The following ANKDD1B variants were observed in gnomAD, a reference collection of about 807,000 sequenced individuals.
ANKDD1B encodes the protein ankyrin repeat and death domain containing 1B.
A neutral mutation model predicts 59.7 loss-of-function variants in ANKDD1B; 57 were observed. That is an observed-to-expected ratio of 0.95 (90% confidence interval 0.77 to 1.19). ANKDD1B has a LOEUF of 1.19. Among genes scored for constraint, ANKDD1B ranks in the 50% most tolerant of loss-of-function variants. The pLI, the probability that ANKDD1B is intolerant of heterozygous loss-of-function variation, is 0.00. For synonymous variants in ANKDD1B, 216 were observed against 239.5 expected (o/e 0.90, Z 0.91); for missense variants, 602 against 641.9 (o/e 0.94, Z 0.67).
Position 75,611,683 on chromosome 5 carries a change from C to T in ANKDD1B, c.49C>T (p.Leu17=), listed in dbSNP as rs1403537462. ...GGGCCAAGGGGCCACGGCAGGGGGG[C>T]TGCTGCTCCGGGCTGCTGCGGCCGC... ...ARGQGATAGG[L]LLRAAAAAKG... is the part of the protein sequence containing the mutation. Residue 17 remains leucine (L), a synonymous_variant, in exon 1 of 14, where the codon CTG becomes TTG. Coordinates refer to ENST00000601380, the MANE Select transcript of ANKDD1B (RefSeq NM_001276713.2). 2 of 1,227,344 alleles carry T rather than the reference C, an allele frequency of 1.6e-6. No homozygotes were observed. The highest frequency in any genetic ancestry group is 6.3e-5 in the East Asian group (2 of 31,676). The allele number at this position is 1,227,344 out of a possible 1,614,324, so 76.0% of individuals were successfully genotyped here. A position where few individuals can be genotyped will look rare whatever the true frequency, so the allele number is the denominator to read the frequency against.
intron 12 of ANKDD1B, among the ~76,000 whole-genome samples, chr5:75,668,270 G>A (rs1300927520): frequency 3.9e-5 from 6 of 152,156 alleles, no homozygotes; most frequent in Admixed American, 3.3e-4. Context: ...GTTTGATGGA[G>A]TTTATAATCT....
chr5:75,659,458 G>A (rs369339824), intron 10 of ANKDD1B, 77 bp downstream of exon 10: 50 of 1,020,124 alleles, frequency 4.9e-5, no homozygotes, highest in Middle Eastern at 2.0e-4. Context: ...CTTGAGCAGC[G>A]TTATTGGAAT....
chr5:75,652,929 CAT>C (rs1361053419), intron 7 of ANKDD1B, among the ~76,000 whole-genome samples: 1 of 152,202 alleles, frequency 6.6e-6, no homozygotes, highest in African/African-American at 2.4e-5. Flanking sequence ...AACATAGTAA[CAT>C]AGTTAAGTAC....
chr5:75,666,038 A>G (rs1775297819), intron 11 of ANKDD1B, among the ~76,000 whole-genome samples: 1 of 152,184 alleles, frequency 6.6e-6, no homozygotes, highest in African/African-American at 2.4e-5. Flanking sequence ...CTAGTGGCAT[A>G]AGCACAGCAT....
Position 75,623,508 on chromosome 5 carries a change from C to T in ANKDD1B, c.397-2139C>T, listed in dbSNP as rs143448303. 2.2e-3 allele frequency among the ~76,000 whole-genome samples: 334 copies of T among 152,288 alleles called. 2 individuals carry two copies. The highest frequency in any genetic ancestry group is 7.5e-3 in the Admixed American group (115 of 15,290). ...TAGTCAGTCATTGTTCATCATTTCT[C>T]TTTGGAACAAAGAGTCCAGAAATGA... On this transcript the variant is annotated intron_variant, in intron 3 of 13. Coordinates refer to ENST00000601380, the MANE Select transcript of ANKDD1B (RefSeq NM_001276713.2).
In ANKDD1B at chr5:75,641,163, T is replaced by G. The variant is rs75737052; in HGVS notation, c.798+5281T>G. Among the ~76,000 whole-genome samples the G allele has an allele frequency of 1.1e-3, 168 of 152,322 alleles. 1 individual carries two copies. The East Asian group carries it at 0.028, about 26-fold the overall frequency. On this transcript the variant is annotated intron_variant, in intron 7 of 13. Coordinates refer to ENST00000601380, the MANE Select transcript of ANKDD1B (RefSeq NM_001276713.2). ...TCATTGTGCTAAGAACCTTTGAAAC[T>G]TTTGAGACTGTGTTATTATTTTTAT...
At chr5:75,659,520 G>C in intron 10 of ANKDD1B, 139 bp downstream of exon 10, 1 of 649,980 alleles carries the variant, frequency 1.5e-6, no homozygotes, top group South Asian at 2.0e-5. Context: ...TTCATAGTCA[G>C]TAAAATACCC....
At chr5:75,628,142 CT>C (rs1038636024) in intron 5 of ANKDD1B, among the ~76,000 whole-genome samples, 7 of 152,102 alleles carry the variant, frequency 4.6e-5, no homozygotes, top group Non-Finnish European at 8.8e-5. Flanking sequence ...AAAAAATCTA[CT>C]TTTTTTCTAA....
chr5:75,618,558 C>T (rs1773770573), intron 2 of ANKDD1B, among the ~76,000 whole-genome samples: 1 of 152,078 alleles, frequency 6.6e-6, no homozygotes. Context: ...TGTAGAGTTC[C>T]TTAAAACCAG....
At chr5:75,626,627 C>A (rs1026680956) in intron 5 of ANKDD1B, among the ~76,000 whole-genome samples, 2 of 152,182 alleles carry the variant, frequency 1.3e-5, no homozygotes, top group Admixed American at 1.3e-4. Context: ...AACACCTGAT[C>A]AAAAGTCTCA....
At chr5:75,665,174 G>A (rs1775274189) in intron 11 of ANKDD1B, among the ~76,000 whole-genome samples, 1 of 152,112 alleles carries the variant, frequency 6.6e-6, no homozygotes, top group South Asian at 2.1e-4. Flanking sequence ...TGTTATTCCT[G>A]CAAATAGTTC....
intron 1 of ANKDD1B, among the ~76,000 whole-genome samples, chr5:75,616,428 T>C (rs1213514775): frequency 6.6e-6 from 1 of 152,210 alleles, no homozygotes; most frequent in Non-Finnish European, 1.5e-5. Context: ...CTGTAAGCTG[T>C]AGGAGCATTT....
intron 10 of ANKDD1B, among the ~76,000 whole-genome samples, chr5:75,659,800 T>C (rs951125035): frequency 6.6e-6 from 1 of 152,210 alleles, no homozygotes; most frequent in Non-Finnish European, 1.5e-5. Flanking sequence ...TAAACACATT[T>C]TACTCTTATT....
intron 5 of ANKDD1B, among the ~76,000 whole-genome samples, chr5:75,626,840 T>C (rs1474409269): frequency 6.6e-6 from 1 of 152,112 alleles, no homozygotes; most frequent in Non-Finnish European, 1.5e-5. Context: ...TTTTGTGCAC[T>C]TGGCATTTTG....
chr5:75,664,075 T>G (rs1775239107), intron 11 of ANKDD1B, among the ~76,000 whole-genome samples: 1 of 152,228 alleles, frequency 6.6e-6, no homozygotes, highest in Non-Finnish European at 1.5e-5. Flanking sequence ...CTCCATGCCC[T>G]CAGGCAAGAA....
At position 75,635,802 on chromosome 5, in the gene ANKDD1B, C is replaced by T; in HGVS notation, c.718C>T (p.His240Tyr). 1.3e-6 allele frequency: 2 copies of T among 1,532,928 alleles called. No homozygotes were observed. Among genetic ancestry groups the T allele is most frequent in the South Asian group, 1.2e-5 (1 of 83,782 alleles). 95.0% of individuals were successfully genotyped at this position (1,532,928 alleles called of 1,614,324 possible). A position where few individuals can be genotyped will look rare whatever the true frequency, so the allele number is the denominator to read the frequency against. ...GTTGCAGGGGGGAAACACTGCCTTG[C>T]ACCTCGCTGCGAAGCATGGTCACAG... ...EKDKGGNTAL[H>Y]LAAKHGHSPA... The change falls in exon 7 of 14, where the codon CAC (histidine) becomes TAC (tyrosine). Residue 240 changes from histidine (H) to tyrosine (Y), a missense_variant. His to Tyr is a moderately conservative substitution (Grantham distance 83). Transcript: ENST00000601380.
chr5:75,669,498 C>A, intron 13 of ANKDD1B, 115 bp downstream of exon 13: 2 of 948,418 alleles, frequency 2.1e-6, no homozygotes, highest in African/African-American at 1.7e-5. Context: ...CTGTGGCTCA[C>A]ACGGAGTATG....
At chr5:75,642,396 T>A (rs1166253747) in intron 7 of ANKDD1B, among the ~76,000 whole-genome samples, 1 of 148,840 alleles carries the variant, frequency 6.7e-6, no homozygotes, top group African/African-American at 2.5e-5. Context: ...GCGCGCACCG[T>A]GCGCGAGCCG....
intron 1 of ANKDD1B, among the ~76,000 whole-genome samples, chr5:75,614,986 G>A (rs1272741396): frequency 2.6e-5 from 4 of 152,164 alleles, no homozygotes; most frequent in African/African-American, 9.7e-5. Flanking sequence ...GTCTGAATGT[G>A]CAAAATAAAT....
Sources: allele counts gnomAD v4.1 joint callset (sites outside exome capture counted in the v4.1 genomes callset), GRCh38; gene constraint gnomAD v4.1.1; transcripts MANE v1.5; gene names NCBI Gene and HGNC (gene_info 2026-07-23, HGNC 2026-07-21).